SPTLC2: variants seen among roughly 807,000 people sequenced by gnomAD.
The protein encoded by SPTLC2 is serine palmitoyltransferase long chain base subunit 2.
Under a neutral mutation model 62.0 loss-of-function variants are expected in SPTLC2, and 21 were observed. The observed-to-expected ratio is 0.34, with a 90% CI of 0.24 to 0.49. The LOEUF (loss-of-function observed/expected upper bound fraction) is 0.49. Among genes scored for constraint, SPTLC2 ranks in the 20% least tolerant of loss-of-function variants. The probability of loss-of-function intolerance (pLI) is 0.99; values close to 1 mark genes in which losing one functional copy is unlikely to be tolerated. For missense variants in SPTLC2, 511 were observed against 713.0 expected, an observed-to-expected ratio of 0.72 and a Z score of 3.23; for synonymous variants, 261 against 261.8, an observed-to-expected ratio of 1.00 and a Z score of 0.03.
chr14:77,566,591 G>A (rs1329699593), intron 5 of SPTLC2, among the ~76,000 whole-genome samples: 1 of 151,974 alleles, frequency 6.6e-6, no homozygotes, highest in East Asian at 1.9e-4. Context: ...TCAGCCTCCC[G>A]AGTAGCTGGG....
At position 77,506,246 on chromosome 14, in the gene SPTLC2, G is replaced by C. The variant is rs1448622123; in HGVS notation, c.*6038C>G. Reference sequence around the variant, plus strand: ...TTTAACACATTACTAAAATGTTTAAGCTTTTATTTACACATCCCCTTCTCT... The same window carrying C: ...TTTAACACATTACTAAAATGTTTAACCTTTTATTTACACATCCCCTTCTCT... On this transcript the variant is annotated 3_prime_UTR_variant, in exon 12 of 12. Coordinates refer to ENST00000216484, the MANE Select transcript of SPTLC2 (RefSeq NM_004863.4). The C allele has an allele frequency of 1.3e-5, 2 of 152,236 alleles. No individual in the cohort carries two copies. The highest frequency in any genetic ancestry group is 2.4e-5 in the African/African-American group (1 of 41,458). 9.4% of individuals were successfully genotyped at this position (152,236 alleles called of 1,614,324 possible).
chr14:77,549,528 T>A (rs1368287026), intron 9 of SPTLC2, among the ~76,000 whole-genome samples: 1 of 152,056 alleles, frequency 6.6e-6, no homozygotes, highest in Non-Finnish European at 1.5e-5. Flanking sequence ...CCAGGTGACA[T>A]GTGAGTGGAA....
At chr14:77,605,305 C>A (rs1193383181) in intron 1 of SPTLC2, among the ~76,000 whole-genome samples, 1 of 152,066 alleles carries the variant, frequency 6.6e-6, no homozygotes, top group Non-Finnish European at 1.5e-5. Flanking sequence ...GCCACCATGC[C>A]TGGCCCAGAA....
chr14:77,509,712 T>C lies in SPTLC2; in HGVS notation c.*2572A>G. 1 of 394,912 alleles carries C rather than the reference T, an allele frequency of 2.5e-6. No homozygotes were observed. 24.5% of individuals were successfully genotyped at this position (394,912 alleles called of 1,614,324 possible). ...TGATACCTAGGATATGACTGGACCC[T>C]AGATTTACATTACAGTTTCAAGAAG... On this transcript the variant is annotated 3_prime_UTR_variant, in exon 12 of 12. Transcript: ENST00000216484.
At chr14:77,570,629 G>A (rs1158681521) in intron 4 of SPTLC2, 121 bp from the exon 5 acceptor site, 1 of 1,168,178 alleles carries the variant, frequency 8.6e-7, no homozygotes, top group Non-Finnish European at 1.2e-6. Context: ...GATCTATGAA[G>A]GAGTCAATAT....
Position 77,512,373 on chromosome 14 carries a change from G to C in SPTLC2, c.1600C>G (p.Leu534Val). 1.2e-6 allele frequency: 2 copies of C among 1,614,242 alleles called. No individual in the cohort carries two copies. Among genetic ancestry groups the C allele is most frequent in the East Asian group, 2.2e-5 (1 of 44,882 alleles). The change falls in exon 12 of 12, where the codon CTA becomes GTA. Residue 534 changes from leucine to valine, a missense_variant. Physicochemically the swap from Leu to Val is conservative, Grantham distance 32 (BLOSUM62 1). Transcript: ENST00000216484. ...ALKEIDEVGDLLQLKYSRHRL... is the reference protein window; with the variant it reads ...ALKEIDEVGDVLQLKYSRHRL... ...TGACGGGAATACTTCAGCTGCAATA[G>C]GTCCCCAACTTCATCTATCTCCTTT... is the stretch of plus-strand genomic sequence containing the variant.
At chr14:77,578,394 T>C (rs2079728972) in intron 3 of SPTLC2, among the ~76,000 whole-genome samples, 2 of 151,966 alleles carry the variant, frequency 1.3e-5, no homozygotes, top group South Asian at 4.1e-4. Flanking sequence ...TTGTATACTG[T>C]TTCTTATCAA....
intron 1 of SPTLC2, among the ~76,000 whole-genome samples, chr14:77,603,680 C>T (rs2079889827): frequency 6.6e-6 from 1 of 152,164 alleles, no homozygotes; most frequent in African/African-American, 2.4e-5. Context: ...CTGTGAAACA[C>T]ATTTATATTT....
chr14:77,513,421 A>G (rs1328925418), intron 11 of SPTLC2, among the ~76,000 whole-genome samples: 4 of 152,212 alleles, frequency 2.6e-5, no homozygotes, highest in Non-Finnish European at 4.4e-5. Context: ...TCAAAATGTG[A>G]AAAATATAAA....
In SPTLC2 at chr14:77,508,385, C is replaced by CTTCAAACAA. The variant is rs2079316258; in HGVS notation, c.*3898_*3899insTTGTTTGAA. 6.6e-6 allele frequency: 1 copy of CTTCAAACAA among 152,210 alleles called. No individual in the cohort carries two copies. Among genetic ancestry groups the CTTCAAACAA allele is most frequent in the Admixed American group, 6.5e-5 (1 of 15,280 alleles). The allele number at this position is 152,210 out of a possible 1,614,324, so 9.4% of individuals were successfully genotyped here. A position where few individuals can be genotyped will look rare whatever the true frequency, so the allele number is the denominator to read the frequency against. Reference sequence around the variant, plus strand: ...AGGAAAGATACCTTGGGAATTAGGTCATAGCAATGCTTCAAACAACAACTG... The same window carrying CTTCAAACAA: ...AGGAAAGATACCTTGGGAATTAGGTCTTCAAACAAATAGCAATGCTTCAAACAACAACTG... On this transcript the variant is annotated 3_prime_UTR_variant, in exon 12 of 12. Coordinates refer to ENST00000216484, the MANE Select transcript of SPTLC2 (RefSeq NM_004863.4).
At position 77,518,244 on chromosome 14, in the gene SPTLC2, G is replaced by T. The variant is rs866591720; in HGVS notation, c.1440-77C>A. 34 of 1,595,846 alleles carry T rather than the reference G, an allele frequency of 2.1e-5. No homozygotes were observed. The African/African-American group carries it at 3.6e-4, about 17-fold the overall frequency. On this transcript the variant is annotated intron_variant, in intron 10 of 11. Coordinates refer to ENST00000216484, the MANE Select transcript of SPTLC2 (RefSeq NM_004863.4). The stretch of plus-strand genomic sequence containing the variant: ...TTACAGAGGACCTGCTGTCCTCAAA[G>T]ATTTCAACTCTTTGGTGATGCAGGC...
intron 9 of SPTLC2, among the ~76,000 whole-genome samples, chr14:77,534,165 TTC>T (rs34111263): frequency 0.048 from 3,993 of 82,868 alleles, 190 homozygotes; most frequent in African/African-American, 0.15. Flanking sequence ...CTCTCTCTCT[TTC>T]TCTCTCTCTC....
intron 5 of SPTLC2, 99 bp from the exon 6 acceptor site, chr14:77,562,588 A>G (rs2140026739): frequency 6.6e-6 from 6 of 906,562 alleles, no homozygotes; most frequent in Middle Eastern, 4.3e-4. Flanking sequence ...GTATCTTATT[A>G]AGGAAATTGT....
chr14:77,529,620 C>CTTTCTT (rs1555373703), intron 9 of SPTLC2, among the ~76,000 whole-genome samples: 57 of 75,988 alleles, frequency 7.5e-4, no homozygotes, highest in Middle Eastern at 7.5e-3. Context: ...TTCTTTCTTT[C>CTTTCTT]TTTTTTTTTT....
At chr14:77,563,118 A>C (rs776396745) in intron 5 of SPTLC2, among the ~76,000 whole-genome samples, 3 of 151,874 alleles carry the variant, frequency 2.0e-5, no homozygotes, top group Non-Finnish European at 4.4e-5. Flanking sequence ...TTACTCTTCC[A>C]TCTCTCAGGG....
chr14:77,562,690 A>G (rs1233027095), intron 5 of SPTLC2, among the ~76,000 whole-genome samples: 1 of 152,200 alleles, frequency 6.6e-6, no homozygotes, highest in African/African-American at 2.4e-5. Flanking sequence ...TAGATGCAAA[A>G]TTCTAGCCTT....
intron 5 of SPTLC2, among the ~76,000 whole-genome samples, chr14:77,566,780 G>A (rs915975449): frequency 2.6e-5 from 4 of 151,882 alleles, no homozygotes; most frequent in Admixed American, 6.6e-5. Flanking sequence ...TATTAAATAA[G>A]ACAAGTGTCT....
Position 77,507,544 on chromosome 14 carries a change from C to G in SPTLC2, c.*4740G>C, listed in dbSNP as rs917295873. On this transcript the variant is annotated 3_prime_UTR_variant, in exon 12 of 12. Coordinates refer to ENST00000216484, the MANE Select transcript of SPTLC2 (RefSeq NM_004863.4). ...ATGAGGTTTCGCCATGTTGGCCAGA[C>G]TGTTCTCGAACTCCTGGCCTCAAGC... is the stretch of plus-strand genomic sequence containing the variant. 6.6e-6 allele frequency: 1 copy of G among 152,238 alleles called. No individual in the cohort carries two copies. The highest frequency in any genetic ancestry group is 1.5e-5 in the Non-Finnish European group (1 of 68,086). 9.4% of individuals were successfully genotyped at this position (152,238 alleles called of 1,614,324 possible). A position where few individuals can be genotyped will look rare whatever the true frequency, so the allele number is the denominator to read the frequency against.
At chr14:77,595,624 T>C (rs557711840) in intron 2 of SPTLC2, among the ~76,000 whole-genome samples, 1 of 152,286 alleles carries the variant, frequency 6.6e-6, no homozygotes, top group South Asian at 2.1e-4. Context: ...CACTTTTGAA[T>C]CCATGTATCT....
Sources: allele counts gnomAD v4.1 joint callset (sites outside exome capture counted in the v4.1 genomes callset), GRCh38; gene constraint gnomAD v4.1.1; transcripts MANE v1.5; gene names NCBI Gene and HGNC (gene_info 2026-07-23, HGNC 2026-07-21).